The following THSD7B variants were observed in gnomAD, a reference collection of about 807,000 sequenced individuals.
THSD7B encodes the protein thrombospondin type-1 domain-containing protein 7B.
In THSD7B, 138 loss-of-function variants were observed where a neutral mutation model predicts 213.6. The ratio of observed to expected loss-of-function variants is 0.65; its 90% confidence interval spans 0.56 to 0.74. The LOEUF (loss-of-function observed/expected upper bound fraction) is 0.74. Ranked by LOEUF, THSD7B falls within the 30% of genes least tolerant of loss-of-function variation. THSD7B has a pLI of 0.00. For missense variants in THSD7B, 1,931 were observed against 1,991.5 expected (o/e 0.97, Z 0.58); for synonymous variants, 742 against 687.0 (o/e 1.08, Z -1.25).
chr2:136,819,899 C>G (rs1682541969), intron 1 of THSD7B, among the ~76,000 whole-genome samples: 1 of 152,106 alleles, frequency 6.6e-6, no homozygotes, highest in Admixed American at 6.5e-5. Context: ...CTTAAACATA[C>G]TAGGCACCTC....
rs370266523 is a variant in THSD7B at position 137,242,489 on chromosome 2, G to A, written c.2183G>A (p.Arg728His). 118 of 1,613,782 alleles carry A rather than the reference G, an allele frequency of 7.3e-5. No individual in the cohort carries two copies. Among genetic ancestry groups the A allele is most frequent in the East Asian group, 2.7e-4 (12 of 44,878 alleles). Residue 728 changes from arginine (R) to histidine (H), a missense_variant, in exon 10 of 28, where the codon CGC (arginine) becomes CAC (histidine). Transcript: ENST00000409968. ...GATTCTACTCGACCTGAAACTGTGCGCCCCTGTTTTCTCCCATGCAAAAAA... is the reference window on the plus strand; with the variant it reads ...GATTCTACTCGACCTGAAACTGTGCACCCCTGTTTTCTCCCATGCAAAAAA... ...CPDSTRPETV[R>H]PCFLPCKKDC...
At chr2:136,905,119 C>T (rs1176710351) in intron 2 of THSD7B, among the ~76,000 whole-genome samples, 2 of 152,218 alleles carry the variant, frequency 1.3e-5, no homozygotes, top group African/African-American at 4.8e-5. Flanking sequence ...TAAGACAATG[C>T]AGGAAATCAC....
intron 14 of THSD7B, among the ~76,000 whole-genome samples, chr2:137,432,762 TC>T (rs1376441923): frequency 6.6e-6 from 1 of 152,212 alleles, no homozygotes; most frequent in African/African-American, 2.4e-5. Context: ...GATGTCTTTT[TC>T]TTTTTAAGGT....
intron 1 of THSD7B, among the ~76,000 whole-genome samples, chr2:136,816,077 G>A (rs1251386360): frequency 1.3e-5 from 2 of 152,138 alleles, no homozygotes; most frequent in East Asian, 3.9e-4. Flanking sequence ...TAGAGATGAG[G>A]TTTCACCATG....
At chr2:137,530,393 A>G (rs1000429915) in intron 15 of THSD7B, among the ~76,000 whole-genome samples, 2 of 152,020 alleles carry the variant, frequency 1.3e-5, no homozygotes, top group East Asian at 1.9e-4. Flanking sequence ...ATGACAGGGT[A>G]CATACTCCAT....
At chr2:137,401,773 A>T (rs1051085243) in intron 12 of THSD7B, among the ~76,000 whole-genome samples, 2 of 151,760 alleles carry the variant, frequency 1.3e-5, no homozygotes, top group African/African-American at 4.8e-5. Context: ...ATTTGTTGGC[A>T]TTTAGAAAAC....
chr2:137,388,743 C>G (rs531593864), intron 12 of THSD7B, among the ~76,000 whole-genome samples: 1 of 152,080 alleles, frequency 6.6e-6, no homozygotes, highest in African/African-American at 2.4e-5. Flanking sequence ...TTATTTAGCA[C>G]CTACATGAGT....
Position 137,475,974 on chromosome 2 carries a change from ATCTATTGTTTTT to A in THSD7B, c.3138+24955_3138+24966del, listed in dbSNP as rs998466302. ...CCCTTTTCTTTGTGTTTTTACAAGC[ATCTATTGTTTTT>A]TCTCTTTTTAATAATAGCCATTCTA... is the stretch of plus-strand genomic sequence containing the variant. On this transcript the variant is annotated intron_variant, in intron 15 of 27. Transcript: ENST00000409968. Among the ~76,000 whole-genome samples, 28 of 152,256 alleles carry A rather than the reference ATCTATTGTTTTT, an allele frequency of 1.8e-4. No homozygotes were observed. In the East Asian group the frequency reaches 1.9e-3, roughly 11 times the overall value.
At chr2:137,055,139 C>T (rs1573792275) in intron 2 of THSD7B, among the ~76,000 whole-genome samples, 1 of 152,256 alleles carries the variant, frequency 6.6e-6, no homozygotes, top group South Asian at 2.1e-4. Flanking sequence ...GCATAGTATT[C>T]CATGGTGTAC....
At chr2:137,396,423 C>G (rs902023213) in intron 12 of THSD7B, among the ~76,000 whole-genome samples, 4 of 148,434 alleles carry the variant, frequency 2.7e-5, no homozygotes, top group Non-Finnish European at 6.0e-5. Flanking sequence ...CGTTATGTAT[C>G]CAGTAGTCAT....
chr2:137,668,446 CAA>C (rs10668254), intron 27 of THSD7B, among the ~76,000 whole-genome samples: 2 of 141,780 alleles, frequency 1.4e-5, no homozygotes, highest in Admixed American at 7.0e-5. Flanking sequence ...TGGTCATTTG[CAA>C]AAAAAAAAAA....
Position 137,411,629 on chromosome 2 carries a change from A to G in THSD7B, c.2716A>G (p.Lys906Glu). Reference sequence around the variant, plus strand: ...AACAGGGAAAAGCAGAAAGAAGGAGAAATGCCAGGATTCTGACCTTTACCC... The same window carrying G: ...AACAGGGAAAAGCAGAAAGAAGGAGGAATGCCAGGATTCTGACCTTTACCC... ...QLTGKSRKKE[K>E]CQDSDLYPLV... The change falls in exon 14 of 28, where the codon AAA becomes GAA. Residue 906 changes from lysine to glutamate, a missense_variant. By Grantham distance (56) the Lys-to-Glu change is moderately conservative. Coordinates refer to ENST00000409968, the MANE Select transcript of THSD7B (RefSeq NM_001316349.2). The G allele has an allele frequency of 6.2e-7, 1 of 1,611,574 alleles. No homozygotes were observed. Among genetic ancestry groups the G allele is most frequent in the East Asian group, 2.2e-5 (1 of 44,840 alleles).
intron 4 of THSD7B, among the ~76,000 whole-genome samples, chr2:137,104,449 C>T (rs1376754129): frequency 6.6e-6 from 1 of 152,052 alleles, no homozygotes; most frequent in Admixed American, 6.6e-5. Context: ...AAAACCGACA[C>T]CATAAGTGTC....
intron 12 of THSD7B, among the ~76,000 whole-genome samples, chr2:137,319,139 G>A (rs1019235362): frequency 6.6e-6 from 1 of 151,178 alleles, no homozygotes. Context: ...GCAACTCCAC[G>A]AAGAAACACG....
chr2:137,030,604 C>A lies in THSD7B; in HGVS notation c.140-25816C>A, dbSNP rs564238536. On this transcript the variant is annotated intron_variant, in intron 2 of 27. Transcript: ENST00000409968. ...AATAAAAGCTAGGCTGTAGTTCTTA[C>A]AAAATGGTCTCTTACAGCAACTTGG... Among the ~76,000 whole-genome samples the A allele has an allele frequency of 3.7e-3, 560 of 152,224 alleles. 6 individuals are homozygous for A. The highest frequency in any genetic ancestry group is 0.012 in the African/African-American group (507 of 41,542).
intron 12 of THSD7B, among the ~76,000 whole-genome samples, chr2:137,313,432 G>A (rs1490608591): frequency 1.6e-5 from 2 of 125,912 alleles, no homozygotes; most frequent in Non-Finnish European, 3.7e-5. Flanking sequence ...CCTGAATACA[G>A]CACACTGATG....
rs1290063748 is a variant in THSD7B at position 137,056,797 on chromosome 2, C to T, written c.517C>T (p.Leu173Phe). Residue 173 changes from leucine to phenylalanine, a missense_variant, in exon 3 of 28, where the codon CTC becomes TTC. Coordinates refer to ENST00000409968, the MANE Select transcript of THSD7B (RefSeq NM_001316349.2). ...ALQPPTEQACLIPCPRDCVVS... is the reference protein window; with the variant it reads ...ALQPPTEQACFIPCPRDCVVS... ...TCAGCCTCCTACAGAACAGGCTTGCCTCATTCCTTGTCCCCGGGATTGTGT... is the reference window on the plus strand; with the variant it reads ...TCAGCCTCCTACAGAACAGGCTTGCTTCATTCCTTGTCCCCGGGATTGTGT... 1 of 1,613,940 alleles carries T rather than the reference C, an allele frequency of 6.2e-7. No homozygotes were observed. Among genetic ancestry groups the T allele is most frequent in the Admixed American group, 1.7e-5 (1 of 60,018 alleles).
chr2:136,883,409 A>G (rs1307632742), intron 2 of THSD7B, among the ~76,000 whole-genome samples: 2 of 151,552 alleles, frequency 1.3e-5, no homozygotes, highest in African/African-American at 4.8e-5. Flanking sequence ...AAGCCCCTAT[A>G]AATTAATTTA....
intron 10 of THSD7B, among the ~76,000 whole-genome samples, chr2:137,259,660 T>C (rs185191204): frequency 2.0e-5 from 3 of 151,902 alleles, no homozygotes; most frequent in East Asian, 3.9e-4. Context: ...CTAGTTTCTT[T>C]TGCTGCTTGC....
Sources: allele counts gnomAD v4.1 joint callset (sites outside exome capture counted in the v4.1 genomes callset), GRCh38; gene constraint gnomAD v4.1.1; transcripts MANE v1.5; gene names NCBI Gene and HGNC (gene_info 2026-07-23, HGNC 2026-07-21).